The following GPAM variants were observed in gnomAD, a reference collection of about 807,000 sequenced individuals.
GPAM encodes the protein glycerol-3-phosphate acyltransferase 1, mitochondrial.
A neutral mutation model predicts 105.0 loss-of-function variants in GPAM; 56 were observed. The ratio of observed to expected loss-of-function variants is 0.53; its 90% confidence interval spans 0.43 to 0.67. GPAM has a LOEUF of 0.67. Ranked by LOEUF, GPAM falls within the 30% of genes least tolerant of loss-of-function variation. GPAM has a pLI of 0.00. For missense variants in GPAM, 855 were observed against 989.8 expected, an observed-to-expected ratio of 0.86 and a Z score of 1.83; for synonymous variants, 368 against 354.4, an observed-to-expected ratio of 1.04 and a Z score of -0.43.
intron 1 of GPAM, among the ~76,000 whole-genome samples, chr10:112,194,438 A>G (rs1589605146): frequency 6.6e-6 from 1 of 152,224 alleles, no homozygotes; most frequent in East Asian, 1.9e-4. Context: ...ATCTCTGCGG[A>G]CACTATGTCT....
chr10:112,196,580 T>C (rs923888817), intron 1 of GPAM, among the ~76,000 whole-genome samples: 10 of 152,214 alleles, frequency 6.6e-5, no homozygotes, highest in African/African-American at 2.4e-4. Flanking sequence ...CTGAATTACC[T>C]TATATAAAGC....
chr10:112,192,960 GTAGGTT>G (rs1423479618), intron 1 of GPAM, among the ~76,000 whole-genome samples: 7 of 152,222 alleles, frequency 4.6e-5, no homozygotes, highest in Non-Finnish European at 2.9e-5. Flanking sequence ...AAGAAAGTAA[GTAGGTT>G]TTGTTAGCTA....
chr10:112,168,444 A>G lies in GPAM; in HGVS notation c.975T>C (p.Ser325=), dbSNP rs146550164. ...EGTRSRSGKT[S]CARAGLLSVV... ...CTGACAAAAGTCCTGCCCGAGCACA[A>G]GAGGTTTTTCCACTCCTAGAACGTG... Residue 325 remains serine (S), a synonymous_variant, in exon 11 of 22, where the codon TCT becomes TCC. Transcript: ENST00000348367. 224 of 1,612,444 alleles carry G rather than the reference A, an allele frequency of 1.4e-4. No individual in the cohort carries two copies. The highest frequency in any genetic ancestry group is 1.6e-4 in the Non-Finnish European group (189 of 1,178,564).
intron 5 of GPAM, 83 bp downstream of exon 5, chr10:112,177,901 C>T (rs1847435712): frequency 1.3e-6 from 1 of 754,652 alleles, no homozygotes; most frequent in South Asian, 1.5e-5. Context: ...TAATGCAAAG[C>T]AATTCAGCTT....
chr10:112,207,472 C>A (rs563554149), intron 1 of GPAM, among the ~76,000 whole-genome samples: 4 of 152,178 alleles, frequency 2.6e-5, no homozygotes, highest in South Asian at 4.1e-4. Context: ...CACAGTGTCC[C>A]CTTAGAGGCC....
At chr10:112,166,190 A>T (rs1173889112) in intron 12 of GPAM, among the ~76,000 whole-genome samples, 2 of 152,202 alleles carry the variant, frequency 1.3e-5, no homozygotes, top group Non-Finnish European at 2.9e-5. Context: ...GTCGAGCCTG[A>T]TATCTCCCAA....
At chr10:112,186,070 C>T (rs556826277), upstream of GPAM, among the ~76,000 whole-genome samples, 3 of 151,874 alleles carry the variant, frequency 2.0e-5, no homozygotes, top group South Asian at 6.2e-4. Flanking sequence ...GAAAACCATA[C>T]CAAGAAACAT....
chr10:112,220,128 G>A (rs995135648), upstream of GPAM, among the ~76,000 whole-genome samples: 4 of 152,052 alleles, frequency 2.6e-5, no homozygotes, highest in African/African-American at 9.7e-5. Context: ...CAGCCAGTTG[G>A]ATCTGTGGCC....
At chr10:112,204,409 G>A (rs1847836446) in intron 1 of GPAM, among the ~76,000 whole-genome samples, 1 of 151,878 alleles carries the variant, frequency 6.6e-6, no homozygotes, top group Non-Finnish European at 1.5e-5. Context: ...TGGGAAGAGG[G>A]TTGGGAGTGG....
chr10:112,222,191 A>T, the GPAM span, among the ~76,000 whole-genome samples: 1 of 152,080 alleles, frequency 6.6e-6, no homozygotes, highest in Non-Finnish European at 1.5e-5. Flanking sequence ...CTAAATTTAA[A>T]TTTTTTCTAT....
intron 1 of GPAM, among the ~76,000 whole-genome samples, chr10:112,209,104 A>T (rs1188670124): frequency 6.6e-6 from 1 of 152,126 alleles, no homozygotes; most frequent in Non-Finnish European, 1.5e-5. Context: ...GTCCGGTCAC[A>T]TTTTCCACTC....
the GPAM span, among the ~76,000 whole-genome samples, chr10:112,226,353 G>A: frequency 6.6e-6 from 1 of 152,174 alleles, no homozygotes. Context: ...AGTAGGACTT[G>A]CAGAGCACAA....
At chr10:112,222,434 T>C in the GPAM span, among the ~76,000 whole-genome samples, 2 of 152,170 alleles carry the variant, frequency 1.3e-5, no homozygotes, top group South Asian at 4.1e-4. Flanking sequence ...TATCGTAAGT[T>C]TGTTTATGGC....
intron 1 of GPAM, among the ~76,000 whole-genome samples, chr10:112,198,017 CTT>C (rs1323675421): frequency 6.6e-6 from 1 of 152,112 alleles, no homozygotes; most frequent in African/African-American, 2.4e-5. Context: ...TGTGAAGGGT[CTT>C]GGAATGTTTA....
chr10:112,212,145 G>A (rs981065292), intron 1 of GPAM, among the ~76,000 whole-genome samples: 6 of 152,198 alleles, frequency 3.9e-5, no homozygotes, highest in African/African-American at 9.6e-5. Context: ...CAAGGAAGAG[G>A]GGGCTGAGGA....
At chr10:112,168,674 C>T in intron 10 of GPAM, 150 bp from the exon 11 acceptor site, 2 of 721,548 alleles carry the variant, frequency 2.8e-6, no homozygotes. Flanking sequence ...ACAGCTCCTC[C>T]AATGCTATAT....
Position 112,178,675 on chromosome 10 carries a change from CAG to C in GPAM, c.226-620_226-619del, listed in dbSNP as rs565762265. ...GAAAGAAGTGAAGCTACAAGAATGT[CAG>C]AGATTTCAGTTTTCCCAAAATACAA... On this transcript the variant is annotated intron_variant, in intron 4 of 21. Transcript: ENST00000348367. Among the ~76,000 whole-genome samples the C allele has an allele frequency of 1.9e-4, 29 of 152,312 alleles. No homozygotes were observed. In the South Asian group the frequency reaches 5.8e-3, roughly 30 times the overall value.
chr10:112,190,047 T>C (rs1847638071), intron 1 of GPAM, among the ~76,000 whole-genome samples: 1 of 152,212 alleles, frequency 6.6e-6, no homozygotes, highest in African/African-American at 2.4e-5. Context: ...AGTCCCTGTT[T>C]TTAGAAATTC....
chr10:112,166,426 A>G lies in GPAM; in HGVS notation c.1197T>C (p.Asp399=), dbSNP rs34047745. 5,964 of 1,602,358 alleles carry G rather than the reference A, an allele frequency of 3.7e-3. 211 individuals carry two copies. The African/African-American group carries it at 0.071, about 19-fold the overall frequency. The change falls in exon 12 of 22, where the codon GAT becomes GAC. Residue 399 remains aspartate (D), a synonymous_variant. Coordinates refer to ENST00000348367, the MANE Select transcript of GPAM (RefSeq NM_001244949.2). The part of the protein sequence containing the change: ...LRKNYGCVRV[D]FAQPFSLKEY... ...CCTTTAAGGAAAATGGCTGTGCAAA[A>G]TCCACTCGGACACAACCATAGTTTT...
Sources: allele counts gnomAD v4.1 joint callset (sites outside exome capture counted in the v4.1 genomes callset), GRCh38; gene constraint gnomAD v4.1.1; transcripts MANE v1.5; gene names NCBI Gene and HGNC (gene_info 2026-07-23, HGNC 2026-07-21).